SPTLC3: variants seen among roughly 807,000 people sequenced by gnomAD.
SPTLC3 encodes the protein serine palmitoyltransferase long chain base subunit 3, also known as serine palmitoyltransferase 3.
A neutral mutation model predicts 59.3 loss-of-function variants in SPTLC3; 36 were observed. The ratio of observed to expected loss-of-function variants is 0.61; its 90% CI spans 0.47 to 0.80. The LOEUF (loss-of-function observed/expected upper bound fraction) is 0.80, where lower values mean the gene tolerates loss of function less well. Among genes scored for constraint, SPTLC3 ranks in the 30% least tolerant of loss-of-function variants. SPTLC3 has a pLI of 0.00. For missense variants in SPTLC3, 625 were observed against 685.1 expected (o/e 0.91, Z 0.98); for synonymous variants, 257 against 240.8 (o/e 1.07, Z -0.62).
intron 8 of SPTLC3, among the ~76,000 whole-genome samples, chr20:13,118,436 C>A (rs1600313277): frequency 2.0e-5 from 2 of 102,292 alleles, no homozygotes; most frequent in African/African-American, 3.6e-5. Context: ...CCAATATCAC[C>A]AAGAGGTTTG....
At chr20:13,082,420 G>T (rs1173197642) in intron 4 of SPTLC3, among the ~76,000 whole-genome samples, 1 of 152,054 alleles carries the variant, frequency 6.6e-6, no homozygotes, top group Non-Finnish European at 1.5e-5. Flanking sequence ...CAATACAGCT[G>T]CCCCCTGTTT....
At chr20:13,045,735 C>T (rs1759171969) in intron 1 of SPTLC3, among the ~76,000 whole-genome samples, 2 of 152,036 alleles carry the variant, frequency 1.3e-5, no homozygotes, top group African/African-American at 2.4e-5. Flanking sequence ...TACTTGCTTC[C>T]AGAACAAGTC....
At chr20:13,093,109 T>C (rs183014118) in intron 5 of SPTLC3, among the ~76,000 whole-genome samples, 271 of 152,260 alleles carry the variant, frequency 1.8e-3, no homozygotes, top group African/African-American at 6.2e-3. Flanking sequence ...CTAAAACTGT[T>C]CCAAATAATC....
chr20:13,041,590 C>A (rs1986982597), intron 1 of SPTLC3, among the ~76,000 whole-genome samples: 1 of 151,934 alleles, frequency 6.6e-6, no homozygotes, highest in Admixed American at 6.6e-5. Context: ...TTACTAAGTC[C>A]AACATCTTGG....
At chr20:13,082,326 TGAGTCCCACTG>T (rs1988867135) in intron 4 of SPTLC3, among the ~76,000 whole-genome samples, 1 of 152,180 alleles carries the variant, frequency 6.6e-6, no homozygotes, top group Non-Finnish European at 1.5e-5. Context: ...TCAGTTCTCT[TGAGTCCCACTG>T]GAGAGCCATT....
chr20:13,052,736 G>A (rs1412049639), intron 2 of SPTLC3, among the ~76,000 whole-genome samples: 2 of 152,204 alleles, frequency 1.3e-5, no homozygotes, highest in Admixed American at 6.5e-5. Flanking sequence ...TGAGGCTTGA[G>A]TAGGCTGTTT....
chr20:13,147,525 C>A (rs920071974), intron 9 of SPTLC3, among the ~76,000 whole-genome samples: 1 of 152,146 alleles, frequency 6.6e-6, no homozygotes, highest in Non-Finnish European at 1.5e-5. Flanking sequence ...TGCCCCCTTG[C>A]CAAGCCAGGG....
intron 9 of SPTLC3, among the ~76,000 whole-genome samples, chr20:13,131,529 A>G (rs73085887): frequency 0.027 from 4,068 of 152,306 alleles, 74 homozygotes; most frequent in African/African-American, 0.032. Flanking sequence ...TTATTCCCTT[A>G]CTTCTGCAAA....
At chr20:13,044,902 C>A (rs938861986) in intron 1 of SPTLC3, among the ~76,000 whole-genome samples, 2 of 152,052 alleles carry the variant, frequency 1.3e-5, no homozygotes, top group Non-Finnish European at 2.9e-5. Flanking sequence ...CCTCAAGAAT[C>A]ACTCCTGATC....
chr20:13,025,029 T>C (rs986598199), intron 1 of SPTLC3, among the ~76,000 whole-genome samples: 1 of 152,226 alleles, frequency 6.6e-6, no homozygotes, highest in Non-Finnish European at 1.5e-5. Context: ...TGTGAACTTG[T>C]ATTTGTCTCA....
chr20:13,019,820 C>G (rs564318168), intron 1 of SPTLC3, among the ~76,000 whole-genome samples: 3 of 152,320 alleles, frequency 2.0e-5, no homozygotes, highest in Admixed American at 2.0e-4. Context: ...AGGCTATGTG[C>G]AAGTCTTAAT....
At chr20:13,135,782 C>T (rs1045030787) in intron 9 of SPTLC3, among the ~76,000 whole-genome samples, 4 of 152,234 alleles carry the variant, frequency 2.6e-5, no homozygotes, top group Admixed American at 2.6e-4. Flanking sequence ...GAGTTCATTT[C>T]TAATTTCACC....
intron 9 of SPTLC3, among the ~76,000 whole-genome samples, chr20:13,131,388 C>T (rs552117142): frequency 2.0e-5 from 3 of 152,212 alleles, no homozygotes; most frequent in African/African-American, 7.2e-5. Context: ...CCTCTCTTGG[C>T]CTTAGTTCCT....
intron 7 of SPTLC3, among the ~76,000 whole-genome samples, chr20:13,116,173 GC>G (rs1465141592): frequency 6.6e-5 from 10 of 152,162 alleles, no homozygotes; most frequent in Non-Finnish European, 1.2e-4. Context: ...TGTGCACACA[GC>G]CAGCTGGACT....
chr20:13,023,580 A>G (rs1048493311), intron 1 of SPTLC3, among the ~76,000 whole-genome samples: 1 of 152,236 alleles, frequency 6.6e-6, no homozygotes, highest in African/African-American at 2.4e-5. Flanking sequence ...CATATGATCC[A>G]CAGACTTCTT....
At chr20:13,129,633 T>C (rs17812191) in intron 9 of SPTLC3, among the ~76,000 whole-genome samples, 3,538 of 152,362 alleles carry the variant, frequency 0.023, 54 homozygotes, top group Non-Finnish European at 0.034. Context: ...TTGGTCTATA[T>C]GTCATCCGAA....
intron 9 of SPTLC3, among the ~76,000 whole-genome samples, chr20:13,150,777 C>T (rs2038623819): frequency 6.6e-6 from 1 of 152,190 alleles, no homozygotes; most frequent in South Asian, 2.1e-4. Context: ...TTGCCTTGTT[C>T]ACAACTTCTG....
At position 13,118,201 on chromosome 20, in the gene SPTLC3, G is replaced by A. The variant is rs534963258; in HGVS notation, c.1152+476G>A. Among the ~76,000 whole-genome samples the A allele has an allele frequency of 5.3e-5, 8 of 152,236 alleles. No individual in the cohort carries two copies. In the East Asian group the frequency reaches 1.5e-3, roughly 29 times the overall value. On this transcript the variant is annotated intron_variant, in intron 8 of 11. Transcript: ENST00000399002. Reference sequence around the variant, plus strand: ...ACAGTAGGCAATGTTAGTTATTAGGGAGGCTGACCCTATGCTACAAGTTGT... The same window carrying A: ...ACAGTAGGCAATGTTAGTTATTAGGAAGGCTGACCCTATGCTACAAGTTGT...
At chr20:13,080,715 A>G (rs1260337625) in intron 4 of SPTLC3, among the ~76,000 whole-genome samples, 1 of 152,186 alleles carries the variant, frequency 6.6e-6, no homozygotes, top group African/African-American at 2.4e-5. Flanking sequence ...AGAGAAAATT[A>G]GAGAGCAATT....
Sources: allele counts gnomAD v4.1 joint callset (sites outside exome capture counted in the v4.1 genomes callset), GRCh38; gene constraint gnomAD v4.1.1; transcripts MANE v1.5; gene names NCBI Gene and HGNC (gene_info 2026-07-23, HGNC 2026-07-21).